HPS3: variants seen among roughly 807,000 people sequenced by gnomAD.
HPS3 encodes the protein HPS3 biogenesis of lysosomal organelles complex 2 subunit 1, also known as BLOC-2 complex member HPS3.
A neutral mutation model predicts 110.9 loss-of-function variants in HPS3; 79 were observed. That is an observed-to-expected ratio of 0.71 (90% CI 0.59 to 0.86). The LOEUF (loss-of-function observed/expected upper bound fraction) is 0.86. Among genes scored for constraint, HPS3 ranks in the 40% least tolerant of loss-of-function variants. The pLI, the probability that HPS3 is intolerant of heterozygous loss-of-function variation, is 0.00. For missense variants in HPS3, 1,197 were observed against 1,206.2 expected (o/e 0.99, Z 0.11); for synonymous variants, 428 against 451.0 (o/e 0.95, Z 0.65).
Position 149,155,100 on chromosome 3 carries a change from C to T in HPS3, c.1401-7C>T, listed in dbSNP as rs892055655. 8 of 1,503,436 alleles carry T rather than the reference C, an allele frequency of 5.3e-6. No individual in the cohort carries two copies. In the Admixed American group the frequency reaches 8.3e-5, roughly 16 times the overall value. 93.1% of individuals were successfully genotyped at this position (1,503,436 alleles called of 1,614,324 possible). A position where few individuals can be genotyped will look rare whatever the true frequency, so the allele number is the denominator to read the frequency against. On this transcript the variant is annotated splice_polypyrimidine_tract_variant and splice_region_variant and intron_variant, in intron 7 of 16. Coordinates refer to ENST00000296051, the MANE Select transcript of HPS3 (RefSeq NM_032383.5). ...TTTAAAATTCTTGTCCTTTGTTTTG[C>T]TTTTAGTTCGAGAAAAGATACCAGT...
rs150467423 is a variant in HPS3, at chr3:149,132,425, A to G, written c.217+2485A>G. Among the ~76,000 whole-genome samples the G allele has an allele frequency of 4.2e-3, 633 of 152,340 alleles. 7 individuals carry two copies. Among genetic ancestry groups the G allele is most frequent in the African/African-American group, 0.015 (607 of 41,568 alleles). ...AAATCTACTCTGCCTGTGCTTTAGA[A>G]TGAAAAAAGCCTGGGTGACAGCACA... On this transcript the variant is annotated intron_variant, in intron 1 of 16. Coordinates refer to ENST00000296051, the MANE Select transcript of HPS3 (RefSeq NM_032383.5).
chr3:149,149,078 C>T (rs1007972417), intron 5 of HPS3, among the ~76,000 whole-genome samples: 1 of 150,776 alleles, frequency 6.6e-6, no homozygotes, highest in African/African-American at 2.4e-5. Context: ...CTCAGCCTCC[C>T]GAGTAGCTAA....
chr3:149,166,777 T>TCCACA (rs1215834858), intron 14 of HPS3, among the ~76,000 whole-genome samples: 5 of 152,192 alleles, frequency 3.3e-5, no homozygotes, highest in Admixed American at 6.5e-5. Flanking sequence ...TAATTTGCAG[T>TCCACA]CCACACAAAG....
At chr3:149,135,605 G>A (rs1029342257) in intron 1 of HPS3, among the ~76,000 whole-genome samples, 2 of 152,116 alleles carry the variant, frequency 1.3e-5, no homozygotes, top group African/African-American at 4.8e-5. Context: ...TTATTACCCA[G>A]TCTCAGGTAT....
At chr3:149,133,421 C>A (rs531144569) in intron 1 of HPS3, among the ~76,000 whole-genome samples, 1 of 152,154 alleles carries the variant, frequency 6.6e-6, no homozygotes, top group East Asian at 1.9e-4. Flanking sequence ...GCCTCAGCCT[C>A]CCAAGTAGCT....
intron 16 of HPS3, among the ~76,000 whole-genome samples, chr3:149,171,454 A>G (rs1028197213): frequency 6.6e-6 from 1 of 152,224 alleles, no homozygotes; most frequent in Non-Finnish European, 1.5e-5. Flanking sequence ...CTTAGTATAG[A>G]CATAGCATTA....
At chr3:149,157,579 T>C (rs1198884691) in intron 9 of HPS3, 48 bp downstream of exon 9, 2 of 1,552,686 alleles carry the variant, frequency 1.3e-6, no homozygotes, top group Admixed American at 3.3e-5. Flanking sequence ...TCTTGAACTT[T>C]GGGTACACTT....
chr3:149,154,223 T>C (rs6791543), intron 7 of HPS3: 75,438 of 152,634 alleles, frequency 0.49, 18,869 homozygotes, highest in South Asian at 0.61. Flanking sequence ...TTCTATTTGA[T>C]GTTTTCCTAC....
intron 6 of HPS3, 151 bp downstream of exon 6, chr3:149,150,831 G>T: frequency 1.4e-6 from 1 of 711,234 alleles, no homozygotes; most frequent in Non-Finnish European, 2.6e-6. Flanking sequence ...ATGTAAAATA[G>T]TGAGGATTTT....
chr3:149,167,703 CCTGA>C (rs1473420575), intron 15 of HPS3, among the ~76,000 whole-genome samples, 186 bp from the exon 16 acceptor site: 1 of 152,046 alleles, frequency 6.6e-6, no homozygotes, highest in Non-Finnish European at 1.5e-5. Context: ...AAGTTACGAA[CCTGA>C]CTTTTACGTT....
intron 1 of HPS3, among the ~76,000 whole-genome samples, chr3:149,134,301 A>C (rs943567820): frequency 6.6e-6 from 1 of 152,232 alleles, no homozygotes; most frequent in African/African-American, 2.4e-5. Flanking sequence ...CTTTTAAGGC[A>C]TAAGAGTTCT....
chr3:149,133,325 G>A (rs909114551), intron 1 of HPS3, among the ~76,000 whole-genome samples: 6 of 151,722 alleles, frequency 4.0e-5, no homozygotes, highest in Admixed American at 3.9e-4. Flanking sequence ...TTGAGACAGA[G>A]CTTCACTCTT....
intron 11 of HPS3, among the ~76,000 whole-genome samples, chr3:149,161,260 A>G (rs1014805110): frequency 3.3e-5 from 5 of 152,172 alleles, no homozygotes; most frequent in Admixed American, 6.5e-5. Flanking sequence ...CTTGGTATTT[A>G]TGGGAGATTG....
intron 16 of HPS3, among the ~76,000 whole-genome samples, chr3:149,168,767 G>T (rs929554047): frequency 2.0e-5 from 3 of 152,080 alleles, no homozygotes; most frequent in African/African-American, 7.2e-5. Context: ...ATTGCTTTAG[G>T]TTTTCAGAAG....
chr3:149,129,999 C>A, intron 1 of HPS3, 59 bp downstream of exon 1: 2 of 1,438,920 alleles, frequency 1.4e-6, no homozygotes, highest in South Asian at 1.2e-5. Context: ...TCCTAGCTAG[C>A]GGACCGAACG....
rs1291122025 is a variant in HPS3 at position 149,158,855 on chromosome 3, A to G, written c.1872+9A>G. 1 of 1,537,990 alleles carries G rather than the reference A, an allele frequency of 6.5e-7. No individual in the cohort carries two copies. The highest frequency in any genetic ancestry group is 9.0e-7 in the Non-Finnish European group (1 of 1,111,262). ...ATGAAGAATTAAATGAAGTGATTATAGTTTTCTGTTTTCTATCTAATATTT... is the reference window on the plus strand; with the variant it reads ...ATGAAGAATTAAATGAAGTGATTATGGTTTTCTGTTTTCTATCTAATATTT... On this transcript the variant is annotated intron_variant, in intron 10 of 16. Transcript: ENST00000296051.
chr3:149,171,104 C>G (rs889585904), intron 16 of HPS3, among the ~76,000 whole-genome samples: 13 of 152,200 alleles, frequency 8.5e-5, no homozygotes, highest in Admixed American at 7.2e-4. Context: ...ATGGTGAAAC[C>G]CTGTCTCTAC....
At chr3:149,161,459 T>G (rs1272189495) in intron 11 of HPS3, among the ~76,000 whole-genome samples, 1 of 115,690 alleles carries the variant, frequency 8.6e-6, no homozygotes, top group Admixed American at 8.1e-5. Context: ...GTTTAGGGAA[T>G]AATAATAAAA....
rs1167453087 is a variant in HPS3 at position 149,151,587 on chromosome 3, T to TAAA, written c.1245+934_1245+936dup. On this transcript the variant is annotated intron_variant, in intron 6 of 16. Transcript: ENST00000296051. ...AGTGAGAAGTAAAGTGCTTGGTTTC[T>TAAA]AAAAAAAAAAAAAAAAAAAAAAAAA... Among the ~76,000 whole-genome samples, 120 of 40,302 alleles carry TAAA rather than the reference T, an allele frequency of 3.0e-3. 11 individuals carry two copies. The highest frequency in any genetic ancestry group is 6.1e-3 in the African/African-American group (77 of 12,578). The allele number at this position is 40,302 out of a possible 152,430, so 26.4% of individuals were successfully genotyped here.
Sources: gnomAD v4.1 joint callset for allele counts (sites outside exome capture counted in the v4.1 genomes callset) on GRCh38, gnomAD v4.1.1 for gene constraint, MANE v1.5 for transcripts, NCBI Gene and HGNC (gene_info 2026-07-23, HGNC 2026-07-21) for gene names.